ST6GALNAC3: variants seen among roughly 807,000 people sequenced by gnomAD.
The protein encoded by ST6GALNAC3 is alpha-N-acetylgalactosaminide alpha-2,6-sialyltransferase 3.
A neutral mutation model predicts 32.7 loss-of-function variants in ST6GALNAC3; 25 were observed. The ratio of observed to expected loss-of-function variants is 0.76; its 90% CI spans 0.56 to 1.07. ST6GALNAC3 has a LOEUF of 1.07. ST6GALNAC3 is among the 50% of genes least tolerant of loss of function. ST6GALNAC3 has a pLI of 0.00. For synonymous variants in ST6GALNAC3, 129 were observed against 133.1 expected (o/e 0.97, Z 0.21); for missense variants, 355 against 382.4 (o/e 0.93, Z 0.60).
rs1456777207 is a variant in ST6GALNAC3, at chr1:76,531,602, T to TC, written c.624-95845dup. The stretch of plus-strand genomic sequence containing the variant: ...GTAATTTCCATTTTGTGTGCTTTTT[T>TC]CCCCCTCATTGACTGTAAGAGAATG... On this transcript the variant is annotated intron_variant, in intron 3 of 4. Transcript: ENST00000328299. 3.3e-5 allele frequency among the ~76,000 whole-genome samples: 5 copies of TC among 152,252 alleles called. No homozygotes were observed. In the South Asian group the frequency reaches 8.3e-4, roughly 25 times the overall value.
intron 2 of ST6GALNAC3, among the ~76,000 whole-genome samples, chr1:76,388,086 CT>C (rs1316976955): frequency 6.6e-6 from 1 of 151,746 alleles, no homozygotes; most frequent in Non-Finnish European, 1.5e-5. Flanking sequence ...GACTGAGAAG[CT>C]TTTAATCCAC....
At chr1:76,324,320 T>G (rs1264714054) in intron 2 of ST6GALNAC3, among the ~76,000 whole-genome samples, 1 of 152,202 alleles carries the variant, frequency 6.6e-6, no homozygotes, top group Non-Finnish European at 1.5e-5. Flanking sequence ...AGTGACTCCC[T>G]TAATAGGACT....
chr1:76,371,771 T>A (rs1301574149), intron 2 of ST6GALNAC3, among the ~76,000 whole-genome samples: 2 of 152,200 alleles, frequency 1.3e-5, no homozygotes, highest in Admixed American at 6.6e-5. Context: ...AGGATTCTTG[T>A]ATGAAATGCA....
At chr1:76,480,417 T>C (rs1380169156) in intron 3 of ST6GALNAC3, among the ~76,000 whole-genome samples, 1 of 152,176 alleles carries the variant, frequency 6.6e-6, no homozygotes, top group Admixed American at 6.5e-5. Flanking sequence ...AAGTTTCCTT[T>C]AACTGTAAAC....
intron 3 of ST6GALNAC3, among the ~76,000 whole-genome samples, chr1:76,481,064 C>A (rs573802131): frequency 6.6e-6 from 1 of 152,258 alleles, no homozygotes; most frequent in Non-Finnish European, 1.5e-5. Context: ...TATTGAAAAT[C>A]TCTAGTTAGG....
intron 3 of ST6GALNAC3, among the ~76,000 whole-genome samples, chr1:76,589,894 A>G (rs567019416): frequency 1.3e-5 from 2 of 152,060 alleles, no homozygotes; most frequent in South Asian, 4.2e-4. Context: ...GGGATCAACA[A>G]TCGTCCTTAC....
chr1:76,106,286 T>C (rs1356548647), intron 1 of ST6GALNAC3, among the ~76,000 whole-genome samples: 1 of 152,242 alleles, frequency 6.6e-6, no homozygotes, highest in Non-Finnish European at 1.5e-5. Flanking sequence ...GATCCTTGTC[T>C]TGCAGGGCAG....
intron 3 of ST6GALNAC3, among the ~76,000 whole-genome samples, chr1:76,475,822 G>A (rs1234055374): frequency 1.3e-5 from 2 of 152,084 alleles, no homozygotes; most frequent in Non-Finnish European, 2.9e-5. Flanking sequence ...TCTACATTAG[G>A]TATTTCTCCT....
chr1:76,405,820 G>A (rs1405980491), intron 2 of ST6GALNAC3, among the ~76,000 whole-genome samples: 1 of 151,848 alleles, frequency 6.6e-6, no homozygotes, highest in African/African-American at 2.4e-5. Flanking sequence ...AATTGGTTAA[G>A]CATATCATGG....
chr1:76,093,877 A>G, intron 1 of ST6GALNAC3, among the ~76,000 whole-genome samples: 1 of 152,336 alleles, frequency 6.6e-6, no homozygotes, highest in Admixed American at 6.5e-5. Context: ...CACATAAGCC[A>G]GATGCCACAT....
At position 76,513,690 on chromosome 1, in the gene ST6GALNAC3, T is replaced by C. The variant is rs562474912; in HGVS notation, c.623+101273T>C. Among the ~76,000 whole-genome samples the C allele has an allele frequency of 1.8e-4, 28 of 152,230 alleles. No homozygotes were observed. The South Asian group carries it at 5.8e-3, about 32-fold the overall frequency. ...TTTTGATAAGAATTTGGTATTTTGGTATTTTGGTATTTGGTGTTTTGATAA... is the reference window on the plus strand; with the variant it reads ...TTTTGATAAGAATTTGGTATTTTGGCATTTTGGTATTTGGTGTTTTGATAA... On this transcript the variant is annotated intron_variant, in intron 3 of 4. Coordinates refer to ENST00000328299, the MANE Select transcript of ST6GALNAC3 (RefSeq NM_152996.4).
In ST6GALNAC3 at chr1:76,382,499, T is replaced by C. The variant is rs369814954; in HGVS notation, c.214-29509T>C. On this transcript the variant is annotated intron_variant, in intron 2 of 4. Coordinates refer to ENST00000328299, the MANE Select transcript of ST6GALNAC3 (RefSeq NM_152996.4). ...TAGTAGAAGAGTTGATTAGTAAAGC[T>C]GAAAATGTTTATAAAAATAACGGAT... is the stretch of plus-strand genomic sequence containing the variant. 4.6e-5 allele frequency among the ~76,000 whole-genome samples: 7 copies of C among 152,116 alleles called. No homozygotes were observed. The South Asian group carries it at 8.3e-4, about 18-fold the overall frequency.
chr1:76,097,589 C>A (rs578065994), intron 1 of ST6GALNAC3, among the ~76,000 whole-genome samples: 9 of 152,192 alleles, frequency 5.9e-5, no homozygotes, highest in Non-Finnish European at 1.0e-4. Context: ...TTGGGTATGT[C>A]TTTATTAGTG....
chr1:76,474,053 C>G (rs1026353628), intron 3 of ST6GALNAC3, among the ~76,000 whole-genome samples: 1 of 152,120 alleles, frequency 6.6e-6, no homozygotes, highest in Non-Finnish European at 1.5e-5. Flanking sequence ...AGTGAGACAG[C>G]ATCAACGAGT....
chr1:76,240,630 G>A (rs1204985087), intron 1 of ST6GALNAC3, among the ~76,000 whole-genome samples: 1 of 152,216 alleles, frequency 6.6e-6, no homozygotes, highest in African/African-American at 2.4e-5. Context: ...GATGCCCGGA[G>A]CAATCTTGGA....
At chr1:76,522,085 T>TAAAAA (rs55954462) in intron 3 of ST6GALNAC3, among the ~76,000 whole-genome samples, 2 of 140,716 alleles carry the variant, frequency 1.4e-5, no homozygotes, top group African/African-American at 2.6e-5. Context: ...ACTCCATTTC[T>TAAAAA]AAAAAAAAAA....
chr1:76,245,820 T>C (rs942883863), intron 1 of ST6GALNAC3, among the ~76,000 whole-genome samples: 2 of 152,194 alleles, frequency 1.3e-5, no homozygotes, highest in Non-Finnish European at 2.9e-5. Context: ...AAGAGTTTTA[T>C]TTCAAATTAT....
chr1:76,420,958 G>A (rs1476252725), intron 3 of ST6GALNAC3, among the ~76,000 whole-genome samples: 1 of 151,884 alleles, frequency 6.6e-6, no homozygotes, highest in Non-Finnish European at 1.5e-5. Flanking sequence ...ATGCGTTATT[G>A]TTATTTATGT....
At chr1:76,536,902 C>A (rs924922662) in intron 3 of ST6GALNAC3, among the ~76,000 whole-genome samples, 4 of 152,136 alleles carry the variant, frequency 2.6e-5, no homozygotes, top group Admixed American at 2.6e-4. Flanking sequence ...GACTTTTACA[C>A]CCCACTGTCA....
Sources: gnomAD v4.1 joint callset for allele counts (sites outside exome capture counted in the v4.1 genomes callset) on GRCh38, gnomAD v4.1.1 for gene constraint, MANE v1.5 for transcripts, NCBI Gene and HGNC (gene_info 2026-07-23, HGNC 2026-07-21) for gene names.